The following DRAM1 variants were observed in gnomAD, a reference collection of about 807,000 sequenced individuals.
The protein encoded by DRAM1 is DNA damage regulated autophagy modulator 1.
DRAM1 carries 25 observed loss-of-function variants against 28.5 expected under a neutral mutation model. That is an observed-to-expected ratio of 0.88 (90% CI 0.64 to 1.23). The LOEUF is 1.23. DRAM1 is among the 50% of genes most tolerant of loss of function. The pLI is 0.00. For missense variants in DRAM1, 249 were observed against 299.2 expected, an observed-to-expected ratio of 0.83 and a Z score of 1.24; for synonymous variants, 113 against 114.2, an observed-to-expected ratio of 0.99 and a Z score of 0.07.
chr12:101,900,084 T>G (rs7956803), intron 2 of DRAM1, among the ~76,000 whole-genome samples: 77,957 of 152,016 alleles, frequency 0.51, 20,485 homozygotes, highest in East Asian at 0.63. Flanking sequence ...TAGTGTTGAG[T>G]TTACAACAGC....
At chr12:101,915,910 G>C (rs1254912586) in intron 5 of DRAM1, among the ~76,000 whole-genome samples, 1 of 152,262 alleles carries the variant, frequency 6.6e-6, no homozygotes, top group East Asian at 1.9e-4. Context: ...TTAGATGAGT[G>C]TTAGACAGAA....
At chr12:101,895,821 C>T (rs555297953) in intron 1 of DRAM1, among the ~76,000 whole-genome samples, 84 of 152,126 alleles carry the variant, frequency 5.5e-4, no homozygotes, top group Non-Finnish European at 8.7e-4. Context: ...CCACCTGCCT[C>T]GGGCTCCCGT....
intron 1 of DRAM1, among the ~76,000 whole-genome samples, chr12:101,897,211 T>A (rs1873411410): frequency 6.6e-6 from 1 of 152,166 alleles, no homozygotes; most frequent in Admixed American, 6.6e-5. Context: ...ATTTTTATTT[T>A]TTTTTTGAGA....
chr12:101,888,365 A>G (rs1239245585), intron 1 of DRAM1, among the ~76,000 whole-genome samples: 1 of 152,076 alleles, frequency 6.6e-6, no homozygotes, highest in East Asian at 1.9e-4. Context: ...TCTTGACCTC[A>G]GGCGATCCAC....
At position 101,922,617 on chromosome 12, in the gene DRAM1, G is replaced by A. The variant is rs1479592137; in HGVS notation, c.*1357G>A. The A allele has an allele frequency of 6.6e-6, 1 of 152,214 alleles. No homozygotes were observed. The highest frequency in any genetic ancestry group is 1.5e-5 in the Non-Finnish European group (1 of 68,052). The allele number at this position is 152,214 out of a possible 1,614,324, so 9.4% of individuals were successfully genotyped here. A position where few individuals can be genotyped will look rare whatever the true frequency, so the allele number is the denominator to read the frequency against. ...ATGACAAGCTGCCTCCCCTCTATGTGTTTAGCATATGTTATTAGAACATGT... is the reference window on the plus strand; with the variant it reads ...ATGACAAGCTGCCTCCCCTCTATGTATTTAGCATATGTTATTAGAACATGT... On this transcript the variant is annotated 3_prime_UTR_variant, in exon 7 of 7. Coordinates refer to ENST00000258534, the MANE Select transcript of DRAM1 (RefSeq NM_018370.3).
At chr12:101,916,880 A>C (rs548255530) in intron 5 of DRAM1, among the ~76,000 whole-genome samples, 1 of 152,360 alleles carries the variant, frequency 6.6e-6, no homozygotes, top group African/African-American at 2.4e-5. Context: ...GCCAGTTGTC[A>C]ATGGCTAAAT....
chr12:101,914,268 C>T (rs1275164122), intron 5 of DRAM1, 36 bp downstream of exon 5: 11 of 1,559,378 alleles, frequency 7.1e-6, no homozygotes, highest in South Asian at 1.2e-5. Flanking sequence ...GGTTGTCGGA[C>T]GTGGTTATGT....
chr12:101,900,636 T>A (rs979076943), intron 2 of DRAM1, among the ~76,000 whole-genome samples: 2 of 152,224 alleles, frequency 1.3e-5, no homozygotes, highest in African/African-American at 4.8e-5. Context: ...ACAGGTTGAA[T>A]TTTCATTTAT....
At position 101,904,432 on chromosome 12, in the gene DRAM1, T is replaced by G. The variant is rs1231530141; in HGVS notation, c.342+2999T>G. ...TGAGTGATAGAGCTTTAGGGGTTTT[T>G]TTTTTTTTTTTTTTTTTTTTTTTTT... On this transcript the variant is annotated intron_variant, in intron 3 of 6. Transcript: ENST00000258534. Among the ~76,000 whole-genome samples, 3 of 59,648 alleles carry G rather than the reference T, an allele frequency of 5.0e-5. No homozygotes were observed. The East Asian group carries it at 1.9e-3, about 37-fold the overall frequency. The allele number at this position is 59,648 out of a possible 152,430, so 39.1% of individuals were successfully genotyped here. A position where few individuals can be genotyped will look rare whatever the true frequency, so the allele number is the denominator to read the frequency against.
intron 1 of DRAM1, among the ~76,000 whole-genome samples, chr12:101,878,691 T>C (rs1171569824): frequency 3.3e-5 from 5 of 152,266 alleles, no homozygotes; most frequent in Non-Finnish European, 5.9e-5. Flanking sequence ...TCCAGCTCAG[T>C]GCCTTTCTCA....
At chr12:101,889,051 C>T (rs1424213900) in intron 1 of DRAM1, among the ~76,000 whole-genome samples, 1 of 152,050 alleles carries the variant, frequency 6.6e-6, no homozygotes, top group Non-Finnish European at 1.5e-5. Context: ...GATCCTCCCA[C>T]CTCAGCCTCA....
intron 2 of DRAM1, among the ~76,000 whole-genome samples, chr12:101,900,738 T>C (rs1873570422): frequency 6.6e-6 from 1 of 152,156 alleles, no homozygotes; most frequent in African/African-American, 2.4e-5. Context: ...TGGAGCAATT[T>C]GGAGGTGTTT....
At position 101,890,429 on chromosome 12, in the gene DRAM1, C is replaced by T. The variant is rs1032290075; in HGVS notation, c.132-7434C>T. On this transcript the variant is annotated intron_variant, in intron 1 of 6. Coordinates refer to ENST00000258534, the MANE Select transcript of DRAM1 (RefSeq NM_018370.3). ...ACTGGAGTCCATGTGGGGATGGTTT[C>T]TAGAGATTCCCCTCAAATAACTTTC... 1.2e-4 allele frequency among the ~76,000 whole-genome samples: 3 copies of T among 24,264 alleles called. No homozygotes were observed. In the African/African-American group the frequency reaches 2.4e-3, roughly 20 times the overall value. The allele number at this position is 24,264 out of a possible 152,430, so 15.9% of individuals were successfully genotyped here. A position where few individuals can be genotyped will look rare whatever the true frequency, so the allele number is the denominator to read the frequency against.
At chr12:101,882,022 G>A (rs1872701911) in intron 1 of DRAM1, among the ~76,000 whole-genome samples, 2 of 151,218 alleles carry the variant, frequency 1.3e-5, no homozygotes, top group African/African-American at 4.9e-5. Context: ...TGGCCATTCT[G>A]TTTGGTGGCT....
At chr12:101,883,944 AAAAT>A (rs1872784002) in intron 1 of DRAM1, among the ~76,000 whole-genome samples, 1 of 150,468 alleles carries the variant, frequency 6.6e-6, no homozygotes, top group Non-Finnish European at 1.5e-5. Context: ...AAAAAAAAAA[AAAAT>A]AAATAAATAC....
intron 2 of DRAM1, among the ~76,000 whole-genome samples, chr12:101,899,763 G>A (rs932539873): frequency 2.6e-5 from 4 of 151,484 alleles, no homozygotes; most frequent in South Asian, 2.1e-4. Flanking sequence ...GATTATGGCC[G>A]TCATACTATG....
At chr12:101,886,068 C>G (rs1367923317) in intron 1 of DRAM1, among the ~76,000 whole-genome samples, 1 of 152,186 alleles carries the variant, frequency 6.6e-6, no homozygotes, top group Non-Finnish European at 1.5e-5. Context: ...TTAACTGATT[C>G]TGCCAGCACC....
intron 1 of DRAM1, among the ~76,000 whole-genome samples, chr12:101,896,721 T>C (rs1436392537): frequency 6.6e-6 from 1 of 152,180 alleles, no homozygotes; most frequent in African/African-American, 2.4e-5. Flanking sequence ...CCACAATTAA[T>C]ATACCCTAGA....
At chr12:101,906,166 A>G (rs1873800397) in intron 3 of DRAM1, among the ~76,000 whole-genome samples, 1 of 152,190 alleles carries the variant, frequency 6.6e-6, no homozygotes, top group Non-Finnish European at 1.5e-5. Flanking sequence ...TATAACACCA[A>G]TCATGTAATC....
Sources: allele counts gnomAD v4.1 joint callset (sites outside exome capture counted in the v4.1 genomes callset), GRCh38; gene constraint gnomAD v4.1.1; transcripts MANE v1.5; gene names NCBI Gene and HGNC (gene_info 2026-07-23, HGNC 2026-07-21).